The following BTBD16 variants were observed in gnomAD, a reference collection of about 807,000 sequenced individuals.
BTBD16 encodes the protein BTB domain containing 16.
In BTBD16, 66 loss-of-function variants were observed where a neutral mutation model predicts 67.4. The observed-to-expected ratio is 0.98, with a 90% CI of 0.80 to 1.20. The LOEUF (loss-of-function observed/expected upper bound fraction) is 1.20, where lower values mean the gene tolerates loss of function less well. Among genes scored for constraint, BTBD16 ranks in the 50% most tolerant of loss-of-function variants. The pLI, the probability that BTBD16 is intolerant of heterozygous loss-of-function variation, is 0.00. For synonymous variants in BTBD16, 242 were observed against 236.4 expected, an observed-to-expected ratio of 1.02 and a Z score of -0.22; for missense variants, 634 against 616.0, an observed-to-expected ratio of 1.03 and a Z score of -0.31.
chr10:122,276,624 A>G, intron 2 of BTBD16, 167 bp from the exon 3 acceptor site: 3 of 409,078 alleles, frequency 7.3e-6, no homozygotes, highest in Non-Finnish European at 9.9e-6. Flanking sequence ...TATGGAATAC[A>G]GTGTCTTTGC....
At chr10:122,276,721 A>G (rs918622147) in intron 2 of BTBD16, 70 bp from the exon 3 acceptor site, 1 of 1,576,390 alleles carries the variant, frequency 6.3e-7, no homozygotes, top group African/African-American at 1.4e-5. Context: ...TTGCTATACA[A>G]TTTGGAAAAT....
At chr10:122,320,130 C>G (rs991927934) in intron 10 of BTBD16, among the ~76,000 whole-genome samples, 2 of 152,050 alleles carry the variant, frequency 1.3e-5, no homozygotes, top group African/African-American at 4.8e-5. Context: ...CATAGGCAAT[C>G]ATATCACCTG....
chr10:122,288,644 A>G (rs2096368194), intron 5 of BTBD16, among the ~76,000 whole-genome samples: 1 of 152,276 alleles, frequency 6.6e-6, no homozygotes, highest in African/African-American at 2.4e-5. Context: ...TTGGGGGAAA[A>G]GCACAACAGG....
At chr10:122,296,178 T>G (rs976443352) in intron 7 of BTBD16, among the ~76,000 whole-genome samples, 2 of 151,970 alleles carry the variant, frequency 1.3e-5, no homozygotes, top group Admixed American at 6.6e-5. Flanking sequence ...GTATGAAAAC[T>G]GTGGATGTCT....
chr10:122,325,827 C>G (rs769811514), intron 10 of BTBD16, among the ~76,000 whole-genome samples: 5 of 152,042 alleles, frequency 3.3e-5, no homozygotes, highest in African/African-American at 1.2e-4. Context: ...AGGCACCCAC[C>G]ACCATGCCTG....
chr10:122,305,529 C>G (rs2096402182), intron 9 of BTBD16, among the ~76,000 whole-genome samples: 1 of 152,194 alleles, frequency 6.6e-6, no homozygotes, highest in Non-Finnish European at 1.5e-5. Flanking sequence ...CCTCCTCCCC[C>G]TTTACCTTCT....
chr10:122,329,458 T>A, intron 10 of BTBD16, 22 bp from the exon 11 acceptor site: 1 of 1,612,300 alleles, frequency 6.2e-7, no homozygotes, highest in East Asian at 2.2e-5. Context: ...GGTCTGTTAT[T>A]CTTCTTTATG....
At position 122,283,850 on chromosome 10, in the gene BTBD16, G is replaced by A. The variant is rs1564958799; in HGVS notation, c.168-1G>A. 1 of 1,613,274 alleles carries A rather than the reference G, an allele frequency of 6.2e-7. No homozygotes were observed. Among genetic ancestry groups the A allele is most frequent in the Admixed American group, 1.7e-5 (1 of 60,022 alleles). Reference sequence around the variant, plus strand: ...ATTTTATATTTGCATTTTCCCTTGAGGTTATGCATTTCACAAATCCAGAAG... The same window carrying A: ...ATTTTATATTTGCATTTTCCCTTGAAGTTATGCATTTCACAAATCCAGAAG... On this transcript the variant is annotated splice_acceptor_variant, in intron 3 of 15. Transcript: ENST00000260723. LOFTEE classifies it high-confidence loss of function.
chr10:122,296,023 C>T (rs146427899), intron 7 of BTBD16, among the ~76,000 whole-genome samples: 2 of 151,866 alleles, frequency 1.3e-5, no homozygotes, highest in African/African-American at 2.4e-5. Context: ...CTCTAATAAC[C>T]ACACTTTTTT....
chr10:122,301,859 A>G (rs1179540207), intron 9 of BTBD16, among the ~76,000 whole-genome samples: 5 of 152,206 alleles, frequency 3.3e-5, no homozygotes, highest in African/African-American at 4.8e-5. Context: ...TGGGCAGGGC[A>G]GGGCCTCCAC....
chr10:122,306,236 G>T (rs762728953), intron 9 of BTBD16, among the ~76,000 whole-genome samples: 1 of 152,192 alleles, frequency 6.6e-6, no homozygotes, highest in Non-Finnish European at 1.5e-5. Flanking sequence ...GCTGGAAAAG[G>T]CAAGGAAACA....
chr10:122,301,556 A>G (rs1481842236), intron 9 of BTBD16, among the ~76,000 whole-genome samples: 1 of 152,022 alleles, frequency 6.6e-6, no homozygotes, highest in Non-Finnish European at 1.5e-5. Context: ...ACATCTTCTG[A>G]GGTTGATCTC....
chr10:122,296,715 C>T (rs1211533387), intron 7 of BTBD16, among the ~76,000 whole-genome samples: 2 of 152,110 alleles, frequency 1.3e-5, no homozygotes, highest in African/African-American at 2.4e-5. Context: ...AGGCAAGGAA[C>T]CAGGTAGAAG....
At position 122,278,623 on chromosome 10, in the gene BTBD16, G is replaced by T. The variant is rs544618852; in HGVS notation, c.167+1684G>T. Among the ~76,000 whole-genome samples the T allele has an allele frequency of 2.0e-5, 3 of 152,256 alleles. No individual in the cohort carries two copies. The East Asian group carries it at 5.8e-4, about 29-fold the overall frequency. On this transcript the variant is annotated intron_variant, in intron 3 of 15. Transcript: ENST00000260723. ...GTCAACACCCCCTTTATTTCACTCTGCCTCCTTGCACCTTCCCCAGTTCCT... is the reference window on the plus strand; with the variant it reads ...GTCAACACCCCCTTTATTTCACTCTTCCTCCTTGCACCTTCCCCAGTTCCT...
intron 10 of BTBD16, among the ~76,000 whole-genome samples, chr10:122,315,668 G>C (rs370716456): frequency 6.6e-6 from 1 of 152,126 alleles, no homozygotes; most frequent in Non-Finnish European, 1.5e-5. Flanking sequence ...GTTATAGATA[G>C]AATGTTCTTT....
At chr10:122,337,555 C>T (rs893717589) in intron 15 of BTBD16, among the ~76,000 whole-genome samples, 1 of 152,164 alleles carries the variant, frequency 6.6e-6, no homozygotes, top group African/African-American at 2.4e-5. Flanking sequence ...AGCTCCACCT[C>T]CCGGGTTCAC....
chr10:122,334,999 AAG>A lies in BTBD16; in HGVS notation c.1263+21_1263+22del. ...ATGCAGGTAAGGATAGAGTGCATGA[AAG>A]TTATGTCTCTGAGACAGTCTTTTAG... On this transcript the variant is annotated intron_variant, in intron 14 of 15. Transcript: ENST00000260723. The A allele has an allele frequency of 8.5e-7, 1 of 1,180,128 alleles. No homozygotes were observed. The highest frequency in any genetic ancestry group is 1.2e-6 in the Non-Finnish European group (1 of 811,776). 73.1% of individuals were successfully genotyped at this position (1,180,128 alleles called of 1,614,324 possible).
Position 122,297,737 on chromosome 10 carries a change from TCCTCCAGAAACTGCAG to T in BTBD16, c.591-30_591-15del, listed in dbSNP as rs2096385937. 6.8e-6 allele frequency: 11 copies of T among 1,612,424 alleles called. No homozygotes were observed. Among genetic ancestry groups the T allele is most frequent in the Non-Finnish European group, 9.3e-6 (11 of 1,178,842 alleles). The stretch of plus-strand genomic sequence containing the variant: ...CGCTTCTCCAAAAGCAGTGTGGGGT[TCCTCCAGAAACTGCAG>T]TTCTCTCTCTCCAGGTGCGTGGATG... On this transcript the variant is annotated splice_polypyrimidine_tract_variant and intron_variant, in intron 7 of 15. Transcript: ENST00000260723.
chr10:122,308,501 C>T (rs2096407654), intron 10 of BTBD16, among the ~76,000 whole-genome samples: 1 of 152,134 alleles, frequency 6.6e-6, no homozygotes. Flanking sequence ...ATGTCATTGC[C>T]CCGACCTAAG....
Sources: allele counts gnomAD v4.1 joint callset (sites outside exome capture counted in the v4.1 genomes callset), GRCh38; gene constraint gnomAD v4.1.1; transcripts MANE v1.5; gene names NCBI Gene and HGNC (gene_info 2026-07-23, HGNC 2026-07-21).